UVRAG: variants seen among roughly 807,000 people sequenced by gnomAD.
UVRAG encodes the protein UV radiation resistance associated.
UVRAG carries 19 observed loss-of-function variants against 78.0 expected under a neutral mutation model. That is an observed-to-expected ratio of 0.24 (90% CI 0.17 to 0.36). UVRAG has a LOEUF of 0.36. Among genes scored for constraint, UVRAG ranks in the 10% least tolerant of loss-of-function variants. UVRAG has a pLI of 1.00. For missense variants in UVRAG, 740 were observed against 853.8 expected (o/e 0.87, Z 1.66); for synonymous variants, 323 against 324.6 (o/e 1.00, Z 0.05).
intron 12 of UVRAG, among the ~76,000 whole-genome samples, chr11:76,058,259 G>A (rs1951018726): frequency 6.6e-6 from 1 of 152,086 alleles, no homozygotes; most frequent in Non-Finnish European, 1.5e-5. Flanking sequence ...GTCCGGGCAT[G>A]GTCACTCATG....
rs369606210 is a variant in UVRAG at position 75,925,148 on chromosome 11, C to T, written c.593+13109C>T. Among the ~76,000 whole-genome samples, 66 of 152,286 alleles carry T rather than the reference C, an allele frequency of 4.3e-4. No individual in the cohort carries two copies. The East Asian group carries it at 6.6e-3, about 15-fold the overall frequency. ...ATTAAGGCTTCACTGTCACATCTCT[C>T]ATAGCTGCCTTGTAACTTCTACATT... On this transcript the variant is annotated intron_variant, in intron 6 of 14. Coordinates refer to ENST00000356136, the MANE Select transcript of UVRAG (RefSeq NM_003369.4).
intron 12 of UVRAG, among the ~76,000 whole-genome samples, chr11:76,017,572 T>G (rs1457191227): frequency 6.6e-6 from 1 of 151,630 alleles, no homozygotes; most frequent in Non-Finnish European, 1.5e-5. Context: ...AGAATGACAA[T>G]AAAGAAAACA....
intron 13 of UVRAG, among the ~76,000 whole-genome samples, chr11:76,111,281 A>G (rs1447280291): frequency 5.1e-4 from 77 of 152,210 alleles, no homozygotes; most frequent in Non-Finnish European, 4.9e-4. Flanking sequence ...AAGCAATATA[A>G]TCCAAACCAC....
At position 75,815,350 on chromosome 11, in the gene UVRAG, G is replaced by T. The variant is rs1488713675; in HGVS notation, c.-58G>T. On this transcript the variant is annotated 5_prime_UTR_variant, in exon 1 of 15. Transcript: ENST00000356136. ...GGGGCTTGGTAGGTGGTGGCAAGGG[G>T]GCGGCGGCGGATGCCGGAAGAGTGC... is the stretch of plus-strand genomic sequence containing the variant. 1.3e-5 allele frequency: 12 copies of T among 951,196 alleles called. No homozygotes were observed. The highest frequency in any genetic ancestry group is 3.4e-5 in the African/African-American group (2 of 59,062). 58.9% of individuals were successfully genotyped at this position (951,196 alleles called of 1,614,324 possible). A position where few individuals can be genotyped will look rare whatever the true frequency, so the allele number is the denominator to read the frequency against.
chr11:75,941,554 A>T (rs1422477226), intron 6 of UVRAG, among the ~76,000 whole-genome samples: 1 of 152,096 alleles, frequency 6.6e-6, no homozygotes, highest in Non-Finnish European at 1.5e-5. Flanking sequence ...TTTCCTTTGA[A>T]GGAAATGTTG....
At chr11:75,910,521 CTATT>C (rs1288180193) in intron 5 of UVRAG, among the ~76,000 whole-genome samples, 3 of 145,400 alleles carry the variant, frequency 2.1e-5, no homozygotes, top group Non-Finnish European at 4.5e-5. Context: ...AGAAACATGA[CTATT>C]TATTCCTTTT....
intron 12 of UVRAG, among the ~76,000 whole-genome samples, chr11:76,046,368 C>T (rs1349867815): frequency 6.6e-6 from 1 of 152,034 alleles, no homozygotes; most frequent in African/African-American, 2.4e-5. Flanking sequence ...AGATCGAAGG[C>T]ACCAAGAAAG....
intron 1 of UVRAG, among the ~76,000 whole-genome samples, chr11:75,839,967 A>G (rs1210985007): frequency 2.0e-5 from 3 of 151,902 alleles, no homozygotes; most frequent in South Asian, 2.1e-4. Context: ...ATCTTGTTTG[A>G]TCTATATGCC....
chr11:76,027,830 G>C lies in UVRAG; in HGVS notation c.1226+10850G>C, dbSNP rs117116842. Among the ~76,000 whole-genome samples the C allele has an allele frequency of 3.1e-3, 475 of 152,190 alleles. 1 individual carries two copies. The highest frequency in any genetic ancestry group is 5.0e-3 in the Non-Finnish European group (337 of 67,966). On this transcript the variant is annotated intron_variant, in intron 12 of 14. Coordinates refer to ENST00000356136, the MANE Select transcript of UVRAG (RefSeq NM_003369.4). ...AAGTACTGTATTTCCTTTTGTAATAGTGTTGTGAGGTACATCATCTTTAAG... is the reference window on the plus strand; with the variant it reads ...AAGTACTGTATTTCCTTTTGTAATACTGTTGTGAGGTACATCATCTTTAAG...
chr11:75,893,599 A>G (rs944854191), intron 5 of UVRAG, among the ~76,000 whole-genome samples: 1 of 149,134 alleles, frequency 6.7e-6, no homozygotes, highest in Non-Finnish European at 1.5e-5. Flanking sequence ...AATTGTTTCT[A>G]GTAAACTTTC....
intron 7 of UVRAG, among the ~76,000 whole-genome samples, chr11:75,978,813 C>T (rs530178174): frequency 3.9e-5 from 6 of 152,264 alleles, no homozygotes; most frequent in Non-Finnish European, 7.4e-5. Flanking sequence ...TGGGTTCGAA[C>T]ATCCTCCTTT....
chr11:75,967,993 A>C (rs1385988818), intron 7 of UVRAG, among the ~76,000 whole-genome samples: 1 of 152,246 alleles, frequency 6.6e-6, no homozygotes, highest in Non-Finnish European at 1.5e-5. Context: ...CAATATGATC[A>C]ATGTGAAGAC....
At chr11:76,049,502 A>T (rs1306633002) in intron 12 of UVRAG, among the ~76,000 whole-genome samples, 1 of 152,222 alleles carries the variant, frequency 6.6e-6, no homozygotes, top group Non-Finnish European at 1.5e-5. Flanking sequence ...GGGAGAAGAA[A>T]TCCCTTAGTT....
At chr11:76,034,280 C>T (rs1950488679) in intron 12 of UVRAG, among the ~76,000 whole-genome samples, 1 of 152,068 alleles carries the variant, frequency 6.6e-6, no homozygotes, top group African/African-American at 2.4e-5. Flanking sequence ...CAGCTTTGAC[C>T]TCCTGGTCTC....
intron 3 of UVRAG, among the ~76,000 whole-genome samples, chr11:75,874,954 G>A (rs1946733904): frequency 6.6e-6 from 1 of 152,158 alleles, no homozygotes; most frequent in African/African-American, 2.4e-5. Flanking sequence ...GTTCTGTTTG[G>A]GTGACGGTCT....
chr11:75,830,027 A>G (rs1050718314), intron 1 of UVRAG, among the ~76,000 whole-genome samples: 1 of 148,862 alleles, frequency 6.7e-6, no homozygotes, highest in African/African-American at 2.6e-5. Context: ...TTTATTAGAG[A>G]TGGGGTTTTG....
chr11:75,828,676 T>C (rs1167901444), intron 1 of UVRAG, among the ~76,000 whole-genome samples: 7 of 140,386 alleles, frequency 5.0e-5, no homozygotes, highest in Non-Finnish European at 9.2e-5. Context: ...TATATAAATA[T>C]ATACACATAT....
intron 1 of UVRAG, among the ~76,000 whole-genome samples, chr11:75,846,314 G>C (rs1293574718): frequency 6.6e-6 from 1 of 152,126 alleles, no homozygotes; most frequent in African/African-American, 2.4e-5. Flanking sequence ...CCATCTGGTG[G>C]GTGGGCATCA....
At chr11:75,971,716 C>T (rs897742575) in intron 7 of UVRAG, among the ~76,000 whole-genome samples, 7 of 151,148 alleles carry the variant, frequency 4.6e-5, no homozygotes, top group Non-Finnish European at 8.8e-5. Flanking sequence ...GATAGAGTCT[C>T]GCTCTTTCAC....
Sources: allele counts gnomAD v4.1 joint callset (sites outside exome capture counted in the v4.1 genomes callset), GRCh38; gene constraint gnomAD v4.1.1; transcripts MANE v1.5; gene names NCBI Gene and HGNC (gene_info 2026-07-23, HGNC 2026-07-21).